ACE: variants seen among roughly 807,000 people sequenced by gnomAD.
ACE encodes the protein angiotensin I converting enzyme.
Under a neutral mutation model 162.3 loss-of-function variants are expected in ACE, and 122 were observed. The observed-to-expected ratio is 0.75, with a 90% CI of 0.65 to 0.87. The LOEUF (loss-of-function observed/expected upper bound fraction) is 0.87. ACE is among the 40% of genes least tolerant of loss of function. ACE has a pLI of 0.00. For missense variants in ACE, 1,799 were observed against 1,735.1 expected (o/e 1.04, Z -0.65); for synonymous variants, 796 against 720.6 (o/e 1.10, Z -1.68).
At position 63,484,958 on chromosome 17, in the gene ACE, G is replaced by A; in HGVS notation, c.1922-278G>A. On this transcript the variant is annotated intron_variant, in intron 12 of 24. Coordinates refer to ENST00000290866, the MANE Select transcript of ACE (RefSeq NM_000789.4). The surrounding 1 kb of genome is among the most constrained non-coding windows in gnomAD (Gnocchi z 4.0). ...CCCTCTGCTGGTCCCCAGCCAGGAG[G>A]CATCCCAACAGGTGACAGTCACCCA... 1 of 1,603,398 alleles carries A rather than the reference G, an allele frequency of 6.2e-7. No homozygotes were observed. Among genetic ancestry groups the A allele is most frequent in the Non-Finnish European group, 8.5e-7 (1 of 1,175,096 alleles).
intron 17 of ACE, chr17:63,490,148 C>T (rs2030275784): frequency 6.5e-6 from 1 of 153,022 alleles, no homozygotes; most frequent in Non-Finnish European, 1.5e-5. Flanking sequence ...CGCTCTAACC[C>T]TCTCTCACTG....
intron 4 of ACE, 94 bp from the exon 5 acceptor site, chr17:63,480,243 C>G: frequency 7.3e-7 from 1 of 1,371,128 alleles, no homozygotes. Flanking sequence ...TGCAGATCCA[C>G]GGGCCTCGAG....
chr17:63,479,145 C>T (rs919672468), intron 3 of ACE, 45 bp downstream of exon 3: 5 of 1,479,258 alleles, frequency 3.4e-6, no homozygotes, highest in African/African-American at 1.4e-5. Flanking sequence ...CTAGTGTTCC[C>T]ACATTGCCCT....
At chr17:63,494,915 G>T (rs2030636282) in intron 22 of ACE, among the ~76,000 whole-genome samples, 1 of 152,204 alleles carries the variant, frequency 6.6e-6, no homozygotes, top group Non-Finnish European at 1.5e-5. Flanking sequence ...ATCGGTTAAG[G>T]TGGGAGGCAG....
Position 63,496,961 on chromosome 17 carries a change from C to A in ACE, c.3667C>A (p.Gln1223Lys). ...ELHGEKLGWP[Q>K]YNWTPNSARS... is the part of the protein sequence containing the mutation. ...GCATGGGGAGAAGCTGGGCTGGCCG[C>A]AGTACAACTGGACGCCGAACTCCGG... Residue 1223 changes from glutamine to lysine, a missense_variant, in exon 24 of 25, where the codon CAG (glutamine) becomes AAG (lysine). Coordinates refer to ENST00000290866, the MANE Select transcript of ACE (RefSeq NM_000789.4). The A allele has an allele frequency of 6.2e-7, 1 of 1,612,526 alleles. No individual in the cohort carries two copies. Among genetic ancestry groups the A allele is most frequent in the Non-Finnish European group, 8.5e-7 (1 of 1,179,848 alleles).
Position 63,491,444 on chromosome 17 carries a change from C to G in ACE, c.2912+63C>G, listed in dbSNP as rs56315845. On this transcript the variant is annotated intron_variant, in intron 19 of 24. Coordinates refer to ENST00000290866, the MANE Select transcript of ACE (RefSeq NM_000789.4). This position sits in a 1 kb window ranked among gnomAD's most constrained non-coding sequence, Gnocchi z 4.4. Reference sequence around the variant, plus strand: ...CCACGGGCAAGGGAAATGAACCAAGCAAAGGGTCCACTACTGTCCCCCAGC... The same window carrying G: ...CCACGGGCAAGGGAAATGAACCAAGGAAAGGGTCCACTACTGTCCCCCAGC... 6.0e-3 allele frequency: 9,643 copies of G among 1,602,996 alleles called. 35 individuals are homozygous for G. Among genetic ancestry groups the G allele is most frequent in the Non-Finnish European group, 7.2e-3 (8,480 of 1,172,052 alleles).
Position 63,484,896 on chromosome 17 carries a change from T to C in ACE, c.1922-340T>C. The C allele has an allele frequency of 1.9e-6, 3 of 1,591,382 alleles. No individual in the cohort carries two copies. Among genetic ancestry groups the C allele is most frequent in the Non-Finnish European group, 2.6e-6 (3 of 1,168,922 alleles). ...GGCCAGGGTTGGGCTACTGCAGGAC[T>C]TCCCAGCCTCCTCTTCCTGCTGCTC... is the stretch of plus-strand genomic sequence containing the variant. On this transcript the variant is annotated intron_variant, in intron 12 of 24. Transcript: ENST00000290866. This position sits in a 1 kb window ranked among gnomAD's most constrained non-coding sequence, Gnocchi z 4.0.
In ACE at chr17:63,477,109, G is replaced by A; in HGVS notation, c.15G>A (p.Ser5=). The change falls in exon 1 of 25, where the codon TCG becomes TCA. Residue 5 remains serine, a synonymous_variant. Transcript: ENST00000290866. ...CGCACCGCGTCATGGGGGCCGCCTC[G>A]GGCCGCCGGGGGCCGGGGCTGCTGC... The part of the protein sequence containing the change: MGAA[S]GRRGPGLLLP... 1.5e-6 allele frequency: 2 copies of A among 1,322,106 alleles called. No individual in the cohort carries two copies. The highest frequency in any genetic ancestry group is 1.9e-6 in the Non-Finnish European group (2 of 1,043,716). 81.9% of individuals were successfully genotyped at this position (1,322,106 alleles called of 1,614,324 possible).
At chr17:63,486,458 C>T (rs1256816900) in intron 13 of ACE, 99 bp from the exon 14 acceptor site, 2 of 1,370,486 alleles carry the variant, frequency 1.5e-6, no homozygotes, top group African/African-American at 1.4e-5. Flanking sequence ...ACTGCCCCCT[C>T]ACCACCACCT....
At chr17:63,478,881 C>A in intron 2 of ACE, 126 bp from the exon 3 acceptor site, 1 of 771,260 alleles carries the variant, frequency 1.3e-6, no homozygotes, top group Non-Finnish European at 2.2e-6. Context: ...TCAGAAGTGC[C>A]CCGGTGCCAC....
At chr17:63,493,892 G>A (rs368615454) in intron 20 of ACE, 30 bp from the exon 21 acceptor site, 7 of 1,614,154 alleles carry the variant, frequency 4.3e-6, no homozygotes, top group Non-Finnish European at 5.9e-6. Flanking sequence ...AGGACCCTGG[G>A]TCTGACAGCT....
chr17:63,496,982 T>A lies in ACE; in HGVS notation c.3688T>A (p.Ser1230Thr). ...GCCGCAGTACAACTGGACGCCGAAC[T>A]CCGGTACCGCCACCCACCCCACCTC... ...GWPQYNWTPN[S>T]ARSEGPLPDS... The change falls in exon 24 of 25, where the codon TCC becomes ACC. Residue 1230 changes from serine (S) to threonine (T), a missense_variant. Transcript: ENST00000290866. 2 of 1,609,388 alleles carry A rather than the reference T, an allele frequency of 1.2e-6. No individual in the cohort carries two copies. Among genetic ancestry groups the A allele is most frequent in the Non-Finnish European group, 1.7e-6 (2 of 1,178,796 alleles).
intron 17 of ACE, 104 bp downstream of exon 17, chr17:63,489,236 G>C: frequency 2.9e-6 from 4 of 1,390,220 alleles, no homozygotes; most frequent in South Asian, 1.3e-5. Context: ...TGGGGACTGA[G>C]AGACTCCAGC....
In ACE at chr17:63,497,700, G is replaced by A. The variant is rs560077551; in HGVS notation, c.*334G>A. ...GCCTCCTGGCAGTCAAGTGGGTCCC[G>A]TTACTAGGTTTGTTCCTCCATCCTC... On this transcript the variant is annotated 3_prime_UTR_variant, in exon 25 of 25. Transcript: ENST00000290866. 110 of 531,642 alleles carry A rather than the reference G, an allele frequency of 2.1e-4. No homozygotes were observed. The East Asian group carries it at 2.8e-3, about 13-fold the overall frequency. The allele number at this position is 531,642 out of a possible 1,614,324, so 32.9% of individuals were successfully genotyped here. A position where few individuals can be genotyped will look rare whatever the true frequency, so the allele number is the denominator to read the frequency against.
Position 63,481,221 on chromosome 17 carries a change from G to T in ACE, c.945+33G>T, listed in dbSNP as rs1354544235. The T allele has an allele frequency of 9.4e-6, 13 of 1,387,046 alleles. No individual in the cohort carries two copies. In the South Asian group the frequency reaches 1.3e-4, roughly 14 times the overall value. 85.9% of individuals were successfully genotyped at this position (1,387,046 alleles called of 1,614,324 possible). A position where few individuals can be genotyped will look rare whatever the true frequency, so the allele number is the denominator to read the frequency against. ...CTGGGCTCAAGCCTGGGGTGGTGGG[G>T]GTCGGGGGTGGGGCGCAAAAAAAGG... On this transcript the variant is annotated intron_variant, in intron 6 of 24. Transcript: ENST00000290866.
intron 19 of ACE, among the ~76,000 whole-genome samples, chr17:63,492,149 T>C (rs903376410): frequency 6.6e-6 from 1 of 152,108 alleles, no homozygotes; most frequent in African/African-American, 2.4e-5. Context: ...GTCAGGCATC[T>C]CTCCAGGCTA....
intron 7 of ACE, among the ~76,000 whole-genome samples, chr17:63,482,244 T>C (rs950213473): frequency 1.3e-5 from 2 of 151,414 alleles, no homozygotes; most frequent in Non-Finnish European, 2.9e-5. Flanking sequence ...GAGGTTGCAG[T>C]GAGCTGAGAT....
At chr17:63,478,321 A>C (rs2049652438) in intron 2 of ACE, 1 of 614,170 alleles carries the variant, frequency 1.6e-6, no homozygotes, top group East Asian at 2.9e-5. Flanking sequence ...TGGAGTAGGA[A>C]GCCAAATTCA....
Position 63,480,409 on chromosome 17 carries a change from T to C in ACE, c.728T>C (p.Leu243Pro). Reference protein sequence around the residue: ...SPTFEDDLEHLYQQLEPLYLN... With the variant: ...SPTFEDDLEHPYQQLEPLYLN... ...ACCTTCGAGGACGATCTGGAACACCTCTACCAACAGCTAGAGCCCCTCTAC... is the reference window on the plus strand; with the variant it reads ...ACCTTCGAGGACGATCTGGAACACCCCTACCAACAGCTAGAGCCCCTCTAC... The change falls in exon 5 of 25, where the codon CTC becomes CCC. Residue 243 changes from leucine to proline, a missense_variant. Transcript: ENST00000290866. 2 of 1,614,056 alleles carry C rather than the reference T, an allele frequency of 1.2e-6. No homozygotes were observed. The highest frequency in any genetic ancestry group is 1.7e-6 in the Non-Finnish European group (2 of 1,180,018).
Sources: allele counts gnomAD v4.1 joint callset (sites outside exome capture counted in the v4.1 genomes callset), GRCh38; gene constraint gnomAD v4.1.1; non-coding constraint Gnocchi (gnomAD v3.1); transcripts MANE v1.5; gene names NCBI Gene and HGNC (gene_info 2026-07-23, HGNC 2026-07-21).